SCD5: variants seen among roughly 807,000 people sequenced by gnomAD.
SCD5 encodes acyl-CoA-desaturase 4.
A neutral mutation model predicts 30.4 loss-of-function variants in SCD5; 20 were observed. The ratio of observed to expected loss-of-function variants is 0.66; its 90% CI spans 0.46 to 0.96. The LOEUF is 0.96. SCD5 is among the 40% of genes least tolerant of loss of function. The pLI is 0.00. For synonymous variants in SCD5, 173 were observed against 176.4 expected (o/e 0.98, Z 0.16); for missense variants, 381 against 443.3 (o/e 0.86, Z 1.26).
chr4:82,708,900 A>G (rs1259571329), intron 1 of SCD5, among the ~76,000 whole-genome samples: 1 of 152,216 alleles, frequency 6.6e-6, no homozygotes, highest in Non-Finnish European at 1.5e-5. Flanking sequence ...ATAGCATCAG[A>G]GTGAACATTA....
At chr4:82,784,391 C>T (rs966704283) in intron 1 of SCD5, among the ~76,000 whole-genome samples, 3 of 152,108 alleles carry the variant, frequency 2.0e-5, no homozygotes, top group African/African-American at 4.8e-5. Context: ...ATCTGCAGTG[C>T]CATCTTCTAC....
At position 82,667,772 on chromosome 4, in the gene SCD5, T is replaced by G. The variant is rs189547510; in HGVS notation, c.569+12935A>C. 1.7e-3 allele frequency among the ~76,000 whole-genome samples: 259 copies of G among 152,128 alleles called. 2 individuals are homozygous for G. Among genetic ancestry groups the G allele is most frequent in the Non-Finnish European group, 2.2e-3 (149 of 67,980 alleles). ...AAGGAAAAAAATAATTTATTCTCAA[T>G]TTTTTTTGTTTAACAGTAGCTGTCA... is the stretch of plus-strand genomic sequence containing the variant. On this transcript the variant is annotated intron_variant, in intron 3 of 4. Transcript: ENST00000319540.
chr4:82,761,152 T>C (rs911457439), intron 1 of SCD5, among the ~76,000 whole-genome samples: 1 of 152,206 alleles, frequency 6.6e-6, no homozygotes, highest in Non-Finnish European at 1.5e-5. Context: ...TGTCCTCTGG[T>C]TATCAAAGTC....
intron 1 of SCD5, among the ~76,000 whole-genome samples, chr4:82,723,077 C>CAA (rs59796077): frequency 0.012 from 1,116 of 89,590 alleles, 25 homozygotes; most frequent in African/African-American, 0.035. Context: ...AACTCTGTCT[C>CAA]AAAAAAAAAA....
At chr4:82,700,562 A>G (rs980573273) in intron 2 of SCD5, among the ~76,000 whole-genome samples, 2 of 152,218 alleles carry the variant, frequency 1.3e-5, no homozygotes, top group Admixed American at 1.3e-4. Flanking sequence ...GTGTTGAAAG[A>G]GAAAAATCCA....
At chr4:82,636,965 G>C in intron 3 of SCD5, 142 bp from the exon 4 acceptor site, 1 of 682,516 alleles carries the variant, frequency 1.5e-6, no homozygotes, top group Non-Finnish European at 2.5e-6. Context: ...ATATGTGGAA[G>C]CCTGTTGTGT....
Position 82,721,082 on chromosome 4 carries a change from G to A in SCD5, c.233-15669C>T, listed in dbSNP as rs115082429. Among the ~76,000 whole-genome samples, 457 of 152,278 alleles carry A rather than the reference G, an allele frequency of 3.0e-3. 4 individuals carry two copies. Among genetic ancestry groups the A allele is most frequent in the African/African-American group, 0.011 (445 of 41,560 alleles). On this transcript the variant is annotated intron_variant, in intron 1 of 4. Coordinates refer to ENST00000319540, the MANE Select transcript of SCD5 (RefSeq NM_001037582.3). The stretch of plus-strand genomic sequence containing the variant: ...AGGCTGAGGTAGGAGGATCTCTTGA[G>A]CCCAGGATTTTGAGGCTCCAGTGAG...
intron 2 of SCD5, among the ~76,000 whole-genome samples, chr4:82,690,277 T>C (rs947295912): frequency 3.3e-5 from 5 of 152,194 alleles, no homozygotes; most frequent in Non-Finnish European, 5.9e-5. Flanking sequence ...TGCACATGCA[T>C]GTACAGAGGA....
chr4:82,677,004 G>T (rs533781824), intron 3 of SCD5, among the ~76,000 whole-genome samples: 2 of 152,350 alleles, frequency 1.3e-5, no homozygotes, highest in Admixed American at 1.3e-4. Flanking sequence ...ACTGTAAAAT[G>T]GAAAGCTGAT....
At chr4:82,738,917 C>T (rs1293929795) in intron 1 of SCD5, among the ~76,000 whole-genome samples, 2 of 152,128 alleles carry the variant, frequency 1.3e-5, no homozygotes, top group South Asian at 2.1e-4. Flanking sequence ...AGAAATTTGG[C>T]CAAGATCACC....
chr4:82,706,230 C>T (rs554528292), intron 1 of SCD5, among the ~76,000 whole-genome samples: 27 of 152,122 alleles, frequency 1.8e-4, no homozygotes, highest in Non-Finnish European at 3.5e-4. Flanking sequence ...AGTCAGGGAA[C>T]AAGTAAAATC....
chr4:82,724,155 C>A (rs1266752318), intron 1 of SCD5, among the ~76,000 whole-genome samples: 1 of 152,182 alleles, frequency 6.6e-6, no homozygotes, highest in Non-Finnish European at 1.5e-5. Flanking sequence ...CTTTAAAATT[C>A]TGTATGTTTG....
At chr4:82,682,710 A>T (rs1376666963) in intron 2 of SCD5, among the ~76,000 whole-genome samples, 1 of 152,122 alleles carries the variant, frequency 6.6e-6, no homozygotes, top group African/African-American at 2.4e-5. Flanking sequence ...ACAGTGGTGC[A>T]ATCACATAGC....
chr4:82,715,611 T>C (rs1218765453), intron 1 of SCD5, among the ~76,000 whole-genome samples: 1 of 151,692 alleles, frequency 6.6e-6, no homozygotes. Flanking sequence ...AGCTTTAAAA[T>C]ACACACATAT....
chr4:82,660,543 A>G, intron 3 of SCD5: 1 of 1,147,214 alleles, frequency 8.7e-7, no homozygotes, highest in Non-Finnish European at 1.1e-6. Context: ...TATTTATTGC[A>G]CATCTCCTCC....
intron 3 of SCD5, among the ~76,000 whole-genome samples, chr4:82,678,161 C>G (rs1191734717): frequency 6.6e-6 from 1 of 152,076 alleles, no homozygotes; most frequent in Non-Finnish European, 1.5e-5. Flanking sequence ...TGATTCCCAG[C>G]AGGAGCTCAA....
chr4:82,730,692 T>A (rs1403171305), intron 1 of SCD5, among the ~76,000 whole-genome samples: 13 of 149,950 alleles, frequency 8.7e-5, no homozygotes, highest in African/African-American at 1.2e-4. Flanking sequence ...TTCACACCAT[T>A]CTCCTGCCTC....
chr4:82,636,568 T>C, intron 4 of SCD5, 23 bp downstream of exon 4: 1 of 1,590,968 alleles, frequency 6.3e-7, no homozygotes, highest in Non-Finnish European at 8.6e-7. Flanking sequence ...TTCTCCCCAT[T>C]GGCCCTCAAC....
chr4:82,779,609 T>C (rs1292119160), intron 1 of SCD5, among the ~76,000 whole-genome samples: 1 of 152,206 alleles, frequency 6.6e-6, no homozygotes, highest in African/African-American at 2.4e-5. Context: ...AGGACTGTGT[T>C]GCCTAAGGAT....
Sources: allele counts gnomAD v4.1 joint callset (sites outside exome capture counted in the v4.1 genomes callset), GRCh38; gene constraint gnomAD v4.1.1; transcripts MANE v1.5; gene names NCBI Gene and HGNC (gene_info 2026-07-23, HGNC 2026-07-21).